SYNPO: variants seen among roughly 807,000 people sequenced by gnomAD.
SYNPO encodes the protein synaptopodin.
A neutral mutation model predicts 49.5 loss-of-function variants in SYNPO; 19 were observed. That is an observed-to-expected ratio of 0.38 (90% CI 0.27 to 0.56). The LOEUF (loss-of-function observed/expected upper bound fraction) is 0.56. Among genes scored for constraint, SYNPO ranks in the 20% least tolerant of loss-of-function variants. The probability of loss-of-function intolerance (pLI) is 0.68; values close to 1 mark genes in which losing one functional copy is unlikely to be tolerated. For missense variants in SYNPO, 1,131 were observed against 1,248.3 expected (o/e 0.91, Z 1.42); for synonymous variants, 536 against 548.0 (o/e 0.98, Z 0.31).
In SYNPO at chr5:150,656,813, C is replaced by T; in HGVS notation, c.2438C>T (p.Ala813Val). 1 of 1,467,318 alleles carries T rather than the reference C, an allele frequency of 6.8e-7. No individual in the cohort carries two copies. The highest frequency in any genetic ancestry group is 9.0e-7 in the Non-Finnish European group (1 of 1,108,392). The allele number at this position is 1,467,318 out of a possible 1,614,324, so 90.9% of individuals were successfully genotyped here. The change falls in exon 3 of 3, where the codon GCT (alanine) becomes GTT (valine). Residue 813 changes from alanine to valine, a missense_variant. By Grantham distance (64) the Ala-to-Val change is moderately conservative. Around this residue, in one of 4 missense-constraint regions of SYNPO, gnomAD observed 509 missense variants for 484.5 expected, o/e 1.05. Coordinates refer to ENST00000307662, the MANE Select transcript of SYNPO (RefSeq NM_007286.6). ...RSPQPARPGS[A>V]AVPGAAFAPI... ...CCACAGCCCGCCCGCCCCGGCTCGG[C>T]TGCTGTGCCGGGGGCAGCCTTCGCG...
In SYNPO at chr5:150,658,661, A is replaced by G. The variant is rs1436579688; in HGVS notation, c.*1574A>G. 6.6e-6 allele frequency: 1 copy of G among 152,418 alleles called. No homozygotes were observed. Among genetic ancestry groups the G allele is most frequent in the Non-Finnish European group, 1.5e-5 (1 of 68,132 alleles). 9.4% of individuals were successfully genotyped at this position (152,418 alleles called of 1,614,324 possible). A position where few individuals can be genotyped will look rare whatever the true frequency, so the allele number is the denominator to read the frequency against. ...CGTATGTAGGTGAAAGGATACCAGG[A>G]TGTTGCTAAAGGTGAGGGACAGTTT... On this transcript the variant is annotated 3_prime_UTR_variant, in exon 3 of 3. Transcript: ENST00000307662.
intron 2 of SYNPO, among the ~76,000 whole-genome samples, chr5:150,629,907 CTG>C (rs764374561): frequency 6.6e-5 from 10 of 152,062 alleles, no homozygotes; most frequent in East Asian, 1.9e-4. Flanking sequence ...GCCCCAAAAA[CTG>C]TGTGCTTAAC....
intron 1 of SYNPO, among the ~76,000 whole-genome samples, chr5:150,604,568 G>A (rs1017542842): frequency 5.9e-5 from 9 of 152,296 alleles, no homozygotes; most frequent in East Asian, 3.9e-4. Flanking sequence ...AACTTTAGGC[G>A]AGGAAAAACT....
At position 150,657,408 on chromosome 5, in the gene SYNPO, T is replaced by A. The variant is rs995185505; in HGVS notation, c.*321T>A. 5.6e-4 allele frequency: 166 copies of A among 295,602 alleles called. No homozygotes were observed. Among genetic ancestry groups the A allele is most frequent in the African/African-American group, 4.5e-3 (161 of 35,400 alleles). The allele number at this position is 295,602 out of a possible 1,614,324, so 18.3% of individuals were successfully genotyped here. A position where few individuals can be genotyped will look rare whatever the true frequency, so the allele number is the denominator to read the frequency against. The stretch of plus-strand genomic sequence containing the variant: ...AGTACACACACCGATGCACACACAC[T>A]CTCTCTTTCTCTCTCTCTCTCTCTC... On this transcript the variant is annotated 3_prime_UTR_variant, in exon 3 of 3. Coordinates refer to ENST00000307662, the MANE Select transcript of SYNPO (RefSeq NM_007286.6).
chr5:150,657,430 T>TCACACACA lies in SYNPO; in HGVS notation c.*344_*345insACACACAC, dbSNP rs1166529907. 4.5e-5 allele frequency: 7 copies of TCACACACA among 156,800 alleles called. No individual in the cohort carries two copies. Among genetic ancestry groups the TCACACACA allele is most frequent in the Non-Finnish European group, 7.2e-5 (6 of 83,814 alleles). The allele number at this position is 156,800 out of a possible 1,614,324, so 9.7% of individuals were successfully genotyped here. A position where few individuals can be genotyped will look rare whatever the true frequency, so the allele number is the denominator to read the frequency against. On this transcript the variant is annotated 3_prime_UTR_variant, in exon 3 of 3. Coordinates refer to ENST00000307662, the MANE Select transcript of SYNPO (RefSeq NM_007286.6). ...CACTCTCTCTTTCTCTCTCTCTCTCTCTCACACACACACACACACACACAC... is the reference window on the plus strand; with the variant it reads ...CACTCTCTCTTTCTCTCTCTCTCTCTCACACACACTCACACACACACACACACACACAC...
At position 150,648,251 on chromosome 5, in the gene SYNPO, C is replaced by T. The variant is rs376126437; in HGVS notation, c.-25C>T. ...CACGGCACCCCAGTCCCCAGAGCCC[C>T]GACAGAGGGGTCCCTGGCCACAGCA... On this transcript the variant is annotated 5_prime_UTR_variant, in exon 2 of 3. Coordinates refer to ENST00000307662, the MANE Select transcript of SYNPO (RefSeq NM_007286.6). This position sits in a 1 kb window ranked among gnomAD's most constrained non-coding sequence, Gnocchi z 5.0. 3.6e-5 allele frequency: 58 copies of T among 1,613,858 alleles called. No individual in the cohort carries two copies. Among genetic ancestry groups the T allele is most frequent in the Middle Eastern group, 1.6e-4 (1 of 6,062 alleles).
intron 1 of SYNPO, among the ~76,000 whole-genome samples, chr5:150,614,399 G>A (rs1251352863): frequency 6.6e-6 from 1 of 152,186 alleles, no homozygotes; most frequent in Non-Finnish European, 1.5e-5. Flanking sequence ...TGGAGCACCT[G>A]ACGCTCAGCC....
At chr5:150,628,562 TA>T (rs1189281282) in intron 2 of SYNPO, among the ~76,000 whole-genome samples, 3 of 152,138 alleles carry the variant, frequency 2.0e-5, no homozygotes, top group African/African-American at 7.2e-5. Context: ...GAGATGATGA[TA>T]AATGCTAAAA....
chr5:150,634,031 G>A (rs2151390901), intron 2 of SYNPO, among the ~76,000 whole-genome samples: 1 of 152,140 alleles, frequency 6.6e-6, no homozygotes, highest in South Asian at 2.1e-4. Context: ...ACATTATGGA[G>A]TCTTACTGTG....
rs1481708490 is a variant in SYNPO at position 150,649,142 on chromosome 5, G to A, written c.867G>A (p.Met289Ile). The A allele has an allele frequency of 6.2e-7, 1 of 1,614,112 alleles. No homozygotes were observed. The highest frequency in any genetic ancestry group is 8.5e-7 in the Non-Finnish European group (1 of 1,180,002). The change falls in exon 2 of 3, where the codon ATG (methionine) becomes ATA (isoleucine). Residue 289 changes from methionine to isoleucine, a missense_variant. Met to Ile is a conservative substitution (Grantham distance 10). This residue lies in a region of SYNPO where 602 missense variants were observed against 720.7 expected (regional missense o/e 0.84). Transcript: ENST00000307662. ...GCCCCCGGCCACAGAGACACATAAT[G>A]TCCCGCAGCCCCATGGTGGAAAGGA... ...DRSPRPQRHI[M>I]SRSPMVERRM...
At chr5:150,586,520 G>A in the SYNPO span, among the ~76,000 whole-genome samples, 2 of 152,174 alleles carry the variant, frequency 1.3e-5, no homozygotes, top group Non-Finnish European at 1.5e-5. Context: ...TTCCTATGCT[G>A]GGTAGGTAGG....
At chr5:150,595,213 T>A in the SYNPO span, among the ~76,000 whole-genome samples, 1 of 152,234 alleles carries the variant, frequency 6.6e-6, no homozygotes, top group Non-Finnish European at 1.5e-5. Flanking sequence ...GAAGGGGATT[T>A]GCACATCTTA....
chr5:150,587,106 G>A, the SYNPO span, among the ~76,000 whole-genome samples: 1 of 152,160 alleles, frequency 6.6e-6, no homozygotes, highest in African/African-American at 2.4e-5. Context: ...ATACATGGAT[G>A]TATATATGGA....
In SYNPO at chr5:150,627,999, CGT is replaced by C. The variant is rs143004615; in HGVS notation, c.400+9249_400+9250del. ...TGCAAAGTGGCTCTGCTAAGTTAGT[CGT>C]GTGTGTGTGTGTGTGTTTCTGTGTG... On this transcript the variant is annotated intron_variant, in intron 2 of 2. Coordinates refer to the SYNPO transcript ENST00000394243. Among the ~76,000 whole-genome samples, 486 of 145,544 alleles carry C rather than the reference CGT, an allele frequency of 3.3e-3. 3 individuals are homozygous for C. The highest frequency in any genetic ancestry group is 0.011 in the African/African-American group (421 of 38,418).
rs1011199004 is a variant in SYNPO, at chr5:150,649,851, C to T, written c.1576C>T (p.Pro526Ser). 1.2e-6 allele frequency: 2 copies of T among 1,608,902 alleles called. No individual in the cohort carries two copies. The highest frequency in any genetic ancestry group is 1.7e-6 in the Non-Finnish European group (2 of 1,179,996). ...CTCCTGGAAATACCCCACTAACGCCCCCGGGGCCTTCCGAGTGGCATCCCG... is the reference window on the plus strand; with the variant it reads ...CTCCTGGAAATACCCCACTAACGCCTCCGGGGCCTTCCGAGTGGCATCCCG... ...PSSWKYPTNA[P>S]GAFRVASRSP... The change falls in exon 2 of 3, where the codon CCC (proline) becomes TCC (serine). Residue 526 changes from proline (P) to serine (S), a missense_variant. This residue lies in a region of SYNPO where 602 missense variants were observed against 720.7 expected (regional missense o/e 0.84). Coordinates refer to ENST00000307662, the MANE Select transcript of SYNPO (RefSeq NM_007286.6).
chr5:150,603,749 C>T (rs1181767617), intron 1 of SYNPO, among the ~76,000 whole-genome samples: 1 of 152,216 alleles, frequency 6.6e-6, no homozygotes, highest in African/African-American at 2.4e-5. Flanking sequence ...AGGGCTGGGT[C>T]CACCTGATCC....
At chr5:150,647,195 A>G (rs1758130516) in intron 1 of SYNPO, among the ~76,000 whole-genome samples, 2 of 150,972 alleles carry the variant, frequency 1.3e-5, no homozygotes, top group Admixed American at 1.3e-4. Flanking sequence ...GTGAGCCGAG[A>G]TTGCGCCGCT....
At chr5:150,587,718 T>G in the SYNPO span, among the ~76,000 whole-genome samples, 1 of 152,180 alleles carries the variant, frequency 6.6e-6, no homozygotes, top group Non-Finnish European at 1.5e-5. Flanking sequence ...CTCTGAGAAG[T>G]GAAATCGATG....
At position 150,651,396 on chromosome 5, in the gene SYNPO, TAAC is replaced by T. The variant is rs1357637824; in HGVS notation, c.2028+1096_2028+1098del. ...TATACAAGGAGGGCTTTTCTAGCTG[TAAC>T]AATCTGTGAGGATTGAGAGGATAGG... On this transcript the variant is annotated intron_variant, in intron 2 of 2. Coordinates refer to ENST00000307662, the MANE Select transcript of SYNPO (RefSeq NM_007286.6). 6 of 1,000,338 alleles carry T rather than the reference TAAC, an allele frequency of 6.0e-6. No homozygotes were observed. The African/African-American group carries it at 1.0e-4, about 17-fold the overall frequency. The allele number at this position is 1,000,338 out of a possible 1,614,324, so 62.0% of individuals were successfully genotyped here.
Sources: allele counts gnomAD v4.1 joint callset (sites outside exome capture counted in the v4.1 genomes callset), GRCh38; gene constraint gnomAD v4.1.1; regional missense constraint gnomAD v4.1.1; non-coding constraint Gnocchi (gnomAD v3.1); transcripts MANE v1.5; gene names NCBI Gene and HGNC (gene_info 2026-07-23, HGNC 2026-07-21).